Variants in PPP4R1 observed in about 807,000 individuals in gnomAD.
PPP4R1 encodes the protein protein phosphatase 4 regulatory subunit 1.
Under a neutral mutation model 111.2 loss-of-function variants are expected in PPP4R1, and 42 were observed. The observed-to-expected ratio is 0.38, with a 90% CI of 0.29 to 0.49. The LOEUF (loss-of-function observed/expected upper bound fraction) is 0.49, where lower values mean the gene tolerates loss of function less well. Among genes scored for constraint, PPP4R1 ranks in the 20% least tolerant of loss-of-function variants. The pLI, the probability that PPP4R1 is intolerant of heterozygous loss-of-function variation, is 0.97. For missense variants in PPP4R1, 1,012 were observed against 1,161.6 expected, an observed-to-expected ratio of 0.87 and a Z score of 1.87; for synonymous variants, 409 against 405.5, an observed-to-expected ratio of 1.01 and a Z score of -0.10.
rs1421683346 is a variant in PPP4R1 at position 9,584,531 on chromosome 18, G to A, written c.743C>T (p.Ala248Val). The change falls in exon 8 of 20, where the codon GCT becomes GTT. Residue 248 changes from alanine to valine, a missense_variant. This residue lies in a region of PPP4R1 where 707 missense variants were observed against 742.1 expected (regional missense o/e 0.95). Coordinates refer to ENST00000400556, the MANE Select transcript of PPP4R1 (RefSeq NM_001042388.3). ...GDICSVVGQQATEEMLLPRFF... is the reference protein window; with the variant it reads ...GDICSVVGQQVTEEMLLPRFF... The stretch of plus-strand genomic sequence containing the variant: ...AATACTTACCAACATTTCTTCAGTA[G>A]CTTGCTGGCCAACTACACTGCAAAT... The A allele has an allele frequency of 8.7e-6, 14 of 1,613,086 alleles. No homozygotes were observed. Among genetic ancestry groups the A allele is most frequent in the Non-Finnish European group, 1.2e-5 (14 of 1,179,588 alleles).
chr18:9,584,426 T>A (rs536936067), intron 8 of PPP4R1, 89 bp downstream of exon 8: 138 of 1,158,758 alleles, frequency 1.2e-4, no homozygotes, highest in Non-Finnish European at 1.4e-4. Context: ...ATTGTGTTAA[T>A]AAAACTTTGG....
rs1299873522 is a variant in PPP4R1, at chr18:9,614,361, G to A, written c.8-91C>T. ...CGCCCGCCTCCCCCCCGCCCCGGGG[G>A]CGCCTTCCCGCGCCGGGACCCCACG... On this transcript the variant is annotated intron_variant, in intron 1 of 19. Transcript: ENST00000400556. The surrounding 1 kb of genome is among the most constrained non-coding windows in gnomAD (Gnocchi z 4.1). The A allele has an allele frequency of 4.8e-6, 5 of 1,040,534 alleles. No homozygotes were observed. The South Asian group carries it at 1.4e-4, about 28-fold the overall frequency. The allele number at this position is 1,040,534 out of a possible 1,614,324, so 64.5% of individuals were successfully genotyped here. A position where few individuals can be genotyped will look rare whatever the true frequency, so the allele number is the denominator to read the frequency against.
chr18:9,551,251 T>TCAG (rs558960735), intron 16 of PPP4R1: 1 of 152,192 alleles, frequency 6.6e-6, no homozygotes, highest in South Asian at 2.1e-4. Flanking sequence ...CTTGAGCCCA[T>TCAG]CAGAGAGCTG....
intron 19 of PPP4R1, among the ~76,000 whole-genome samples, chr18:9,548,866 T>A (rs1311009576): frequency 6.6e-6 from 1 of 152,184 alleles, no homozygotes; most frequent in East Asian, 1.9e-4. Context: ...TACAGTGAGC[T>A]GAGATCGCAC....
upstream of PPP4R1, among the ~76,000 whole-genome samples, chr18:9,616,460 G>C (rs898869007): frequency 6.6e-6 from 1 of 152,076 alleles, no homozygotes; most frequent in Non-Finnish European, 1.5e-5. Context: ...ATTTTTTAGG[G>C]ACGTGGTTCT....
intron 11 of PPP4R1, among the ~76,000 whole-genome samples, chr18:9,566,544 G>A (rs367981799): frequency 4.6e-5 from 7 of 151,876 alleles, no homozygotes; most frequent in East Asian, 2.0e-4. Flanking sequence ...CCAGCTACTC[G>A]GGAGGCTGAG....
chr18:9,608,095 A>G (rs2067515880), intron 2 of PPP4R1, among the ~76,000 whole-genome samples: 1 of 152,086 alleles, frequency 6.6e-6, no homozygotes, highest in African/African-American at 2.4e-5. Context: ...GCAGTTTCTT[A>G]AAAAGTTAAA....
chr18:9,570,905 G>C (rs2066852056), intron 10 of PPP4R1, among the ~76,000 whole-genome samples: 1 of 152,132 alleles, frequency 6.6e-6, no homozygotes, highest in Non-Finnish European at 1.5e-5. Flanking sequence ...AGTCTAGATA[G>C]TCAAGCAATA....
chr18:9,596,666 A>AT (rs2067295108), intron 2 of PPP4R1, among the ~76,000 whole-genome samples: 1 of 152,340 alleles, frequency 6.6e-6, no homozygotes, highest in Non-Finnish European at 1.5e-5. Context: ...AAATGTTGCT[A>AT]TATGAGAGAC....
chr18:9,572,857 T>A (rs558105403), intron 10 of PPP4R1, among the ~76,000 whole-genome samples: 1 of 152,268 alleles, frequency 6.6e-6, no homozygotes, highest in Non-Finnish European at 1.5e-5. Context: ...GGTATTTTTC[T>A]TCTTATAACT....
chr18:9,594,472 C>T (rs1240367965), intron 3 of PPP4R1, among the ~76,000 whole-genome samples: 1 of 151,976 alleles, frequency 6.6e-6, no homozygotes, highest in Non-Finnish European at 1.5e-5. Flanking sequence ...TGAAAAAACA[C>T]ACTCATTCAT....
chr18:9,598,268 G>A (rs2067322550), intron 2 of PPP4R1, among the ~76,000 whole-genome samples: 1 of 152,024 alleles, frequency 6.6e-6, no homozygotes, highest in African/African-American at 2.4e-5. Flanking sequence ...AGAAATAATG[G>A]ACAAAATTTT....
chr18:9,559,553 A>T lies in PPP4R1; in HGVS notation c.1894T>A (p.Ser632Thr). Reference sequence around the variant, plus strand: ...TCAGTGTCAACCGTCTGTGCACGAGAAGGGTCAGTCATAGATAAATACTGA... The same window carrying T: ...TCAGTGTCAACCGTCTGTGCACGAGTAGGGTCAGTCATAGATAAATACTGA... Reference protein sequence around the residue: ...LDQYLSMTDPSRAQTVDTEIA... With the variant: ...LDQYLSMTDPTRAQTVDTEIA... The change falls in exon 14 of 20, where the codon TCT (serine) becomes ACT (threonine). Residue 632 changes from serine (S) to threonine (T), a missense_variant. Transcript: ENST00000400556. The T allele has an allele frequency of 6.2e-7, 1 of 1,613,310 alleles. No individual in the cohort carries two copies. The highest frequency in any genetic ancestry group is 8.5e-7 in the Non-Finnish European group (1 of 1,179,520).
At chr18:9,569,156 C>T (rs1184771030) in intron 11 of PPP4R1, among the ~76,000 whole-genome samples, 1 of 147,970 alleles carries the variant, frequency 6.8e-6, no homozygotes, top group East Asian at 2.0e-4. Context: ...CACCACTGAA[C>T]TCCAGCCTGG....
chr18:9,549,904 G>A (rs2066461674), intron 18 of PPP4R1, 148 bp downstream of exon 18: 1 of 1,191,838 alleles, frequency 8.4e-7, no homozygotes, highest in African/African-American at 1.5e-5. Context: ...GCCCAACAAT[G>A]GGGGCAGATG....
chr18:9,583,316 A>T (rs1372162892), intron 8 of PPP4R1, 41 bp from the exon 9 acceptor site: 3 of 1,434,986 alleles, frequency 2.1e-6, no homozygotes, highest in Non-Finnish European at 2.8e-6. Flanking sequence ...GGATAAAGAT[A>T]GCAGATTTCA....
upstream of PPP4R1, chr18:9,617,024 AAGG>A (rs2067694140): frequency 6.6e-6 from 1 of 152,326 alleles, no homozygotes; most frequent in East Asian, 1.9e-4. Context: ...TTCTAAAAGA[AAGG>A]AGTTTTTAAA....
intron 9 of PPP4R1, among the ~76,000 whole-genome samples, chr18:9,582,084 A>G (rs1161812540): frequency 2.6e-5 from 4 of 152,112 alleles, no homozygotes. Context: ...CCAGATGATA[A>G]TTCAAAGAAG....
chr18:9,611,384 C>T (rs2067577131), intron 2 of PPP4R1, among the ~76,000 whole-genome samples: 3 of 152,112 alleles, frequency 2.0e-5, no homozygotes, highest in African/African-American at 7.2e-5. Flanking sequence ...TTTGGGTCCT[C>T]TACCTTCTCC....
Sources: gnomAD v4.1 joint callset for allele counts (sites outside exome capture counted in the v4.1 genomes callset) on GRCh38, gnomAD v4.1.1 for gene constraint, gnomAD v4.1.1 regional missense constraint, Gnocchi (gnomAD v3.1) non-coding constraint, MANE v1.5 for transcripts, NCBI Gene and HGNC (gene_info 2026-07-23, HGNC 2026-07-21) for gene names.